The following WWP1 variants were observed in gnomAD, a reference collection of about 807,000 sequenced individuals.
The protein encoded by WWP1 is NEDD4-like E3 ubiquitin-protein ligase WWP1.
WWP1 carries 49 observed loss-of-function variants against 130.6 expected under a neutral mutation model. The observed-to-expected ratio is 0.38, with a 90% confidence interval of 0.30 to 0.48. The LOEUF (loss-of-function observed/expected upper bound fraction) is 0.48, where lower values mean the gene tolerates loss of function less well. WWP1 is among the 20% of genes least tolerant of loss of function. The probability of loss-of-function intolerance (pLI) is 0.99; values close to 1 mark genes in which losing one functional copy is unlikely to be tolerated. For missense variants in WWP1, 809 were observed against 1,100.6 expected (o/e 0.74, Z 3.75); for synonymous variants, 332 against 367.8 (o/e 0.90, Z 1.11).
At chr8:86,429,180 T>C (rs1434544631) in intron 11 of WWP1, among the ~76,000 whole-genome samples, 1 of 152,182 alleles carries the variant, frequency 6.6e-6, no homozygotes, top group East Asian at 1.9e-4. Flanking sequence ...GAAAGAGGAA[T>C]TGAAAGGGCA....
At chr8:86,359,562 C>T (rs1015056706) in intron 1 of WWP1, among the ~76,000 whole-genome samples, 5 of 152,014 alleles carry the variant, frequency 3.3e-5, no homozygotes, top group African/African-American at 1.2e-4. Flanking sequence ...GTAACATTTC[C>T]TTAACTTTCT....
intron 17 of WWP1, among the ~76,000 whole-genome samples, chr8:86,441,617 G>A (rs1359620936): frequency 1.1e-5 from 1 of 91,602 alleles, no homozygotes; most frequent in African/African-American, 5.9e-5. Context: ...TCAGTGGGCT[G>A]AATCAGAGTT....
chr8:86,420,013 A>G (rs970597670), intron 9 of WWP1, among the ~76,000 whole-genome samples: 1 of 152,208 alleles, frequency 6.6e-6, no homozygotes, highest in African/African-American at 2.4e-5. Context: ...GAATAAATAC[A>G]TTCTATGCAT....
At chr8:86,457,425 GTCTGTCTA>G (rs59740741) in intron 21 of WWP1, among the ~76,000 whole-genome samples, 39,778 of 149,988 alleles carry the variant, frequency 0.27, 6,117 homozygotes, top group East Asian at 0.53. Flanking sequence ...CTGTCTGTCT[GTCTGTCTA>G]TCTATCTATC....
At chr8:86,386,551 A>G (rs1825302741) in intron 5 of WWP1, among the ~76,000 whole-genome samples, 1 of 152,132 alleles carries the variant, frequency 6.6e-6, no homozygotes, top group Admixed American at 6.5e-5. Flanking sequence ...ATTTTTGTCT[A>G]AGTGCTATTA....
At position 86,425,278 on chromosome 8, in the gene WWP1, C is replaced by G; in HGVS notation, c.1117C>G (p.Arg373Gly). The G allele has an allele frequency of 6.2e-7, 1 of 1,613,256 alleles. No homozygotes were observed. The highest frequency in any genetic ancestry group is 8.5e-7 in the Non-Finnish European group (1 of 1,179,582). ...GRTYYVDHNT[R>G]TTTWERPQPL... is the part of the protein sequence containing the mutation. ...AACCTATTATGTGGATCATAATACTCGAACTACCACATGGGAGAGACCACA... is the reference window on the plus strand; with the variant it reads ...AACCTATTATGTGGATCATAATACTGGAACTACCACATGGGAGAGACCACA... Residue 373 changes from arginine to glycine, a missense_variant, in exon 10 of 25, where the codon CGA becomes GGA. Transcript: ENST00000517970.
intron 1 of WWP1, among the ~76,000 whole-genome samples, chr8:86,358,893 C>T (rs982226422): frequency 6.6e-6 from 1 of 151,816 alleles, no homozygotes; most frequent in Admixed American, 6.6e-5. Context: ...AACAGTGTAA[C>T]GGGAGAGATA....
rs1166365911 is a variant in WWP1, at chr8:86,431,625, GA to G, written c.1485del (p.Glu496AsnfsTer16). On this transcript the variant is annotated frameshift_variant, in exon 14 of 25. Coordinates refer to ENST00000517970, the MANE Select transcript of WWP1 (RefSeq NM_007013.4). LOFTEE classifies it high-confidence loss of function. ...EDPRTQGLQN[E>X]EPLPEGWEIR... ...AACTTTATCTTTTAGCTTACAGAAT[GA>G]AGAACCCCTGCCAGAAGGCTGGGAA... The G allele has an allele frequency of 6.2e-7, 1 of 1,613,618 alleles. No homozygotes were observed.
At chr8:86,407,992 T>G (rs907862765) in intron 8 of WWP1, among the ~76,000 whole-genome samples, 1 of 152,348 alleles carries the variant, frequency 6.6e-6, no homozygotes, top group South Asian at 2.1e-4. Flanking sequence ...CATATCGTCA[T>G]GTACACACCA....
intron 9 of WWP1, among the ~76,000 whole-genome samples, chr8:86,418,178 C>G (rs534062426): frequency 6.6e-6 from 1 of 152,106 alleles, no homozygotes; most frequent in African/African-American, 2.4e-5. Flanking sequence ...ATTTAATCGA[C>G]AAATATTTAT....
At chr8:86,438,164 G>A (rs934488896) in intron 16 of WWP1, among the ~76,000 whole-genome samples, 1 of 152,098 alleles carries the variant, frequency 6.6e-6, no homozygotes, top group Non-Finnish European at 1.5e-5. Flanking sequence ...AAATCATAAG[G>A]AAGATAAAAT....
intron 3 of WWP1, among the ~76,000 whole-genome samples, chr8:86,377,252 A>ATTTTTTTTT (rs35139758): frequency 7.2e-6 from 1 of 138,884 alleles, no homozygotes; most frequent in Non-Finnish European, 1.6e-5. Flanking sequence ...TTCCTGTCTA[A>ATTTTTTTTT]TTTTTTTTTT....
rs201951609 is a variant in WWP1, at chr8:86,374,071, G to T, written c.21G>T (p.Arg7Ser). 1 of 1,609,498 alleles carries T rather than the reference G, an allele frequency of 6.2e-7. No homozygotes were observed. Among genetic ancestry groups the T allele is most frequent in the East Asian group, 2.2e-5 (1 of 44,472 alleles). Residue 7 changes from arginine (R) to serine (S), a missense_variant, in exon 3 of 25, where the codon AGG becomes AGT. Physicochemically the swap from Arg to Ser is moderately radical, Grantham distance 110. This residue lies in a region of WWP1 where 262 missense variants were observed against 346.0 expected (regional missense o/e 0.76). Coordinates refer to ENST00000517970, the MANE Select transcript of WWP1 (RefSeq NM_007013.4). ...GGGACATGGCCACTGCTTCACCAAGGTCTGATACTAGTAATAACCACAGTG... is the reference window on the plus strand; with the variant it reads ...GGGACATGGCCACTGCTTCACCAAGTTCTGATACTAGTAATAACCACAGTG... MATASP[R>S]SDTSNNHSGR... is the part of the protein sequence containing the mutation.
chr8:86,431,766 C>A, intron 14 of WWP1, 23 bp downstream of exon 14: 1 of 1,612,192 alleles, frequency 6.2e-7, no homozygotes, highest in Non-Finnish European at 8.5e-7. Context: ...CTGAAGTTCT[C>A]CTTTAAATAT....
In WWP1 at chr8:86,376,589, G is replaced by T. The variant is rs974040104; in HGVS notation, c.70+2469G>T. 2.2e-5 allele frequency among the ~76,000 whole-genome samples: 3 copies of T among 135,810 alleles called. No individual in the cohort carries two copies. In the South Asian group the frequency reaches 6.4e-4, roughly 29 times the overall value. The allele number at this position is 135,810 out of a possible 152,430, so 89.1% of individuals were successfully genotyped here. A position where few individuals can be genotyped will look rare whatever the true frequency, so the allele number is the denominator to read the frequency against. On this transcript the variant is annotated intron_variant, in intron 3 of 24. Transcript: ENST00000517970. ...GTCTCAAAAAAAAAAGAAAGAAAAA[G>T]AAAAGAAAAAGAAAAACCTGATCTG...
chr8:86,406,916 C>G (rs992733876), intron 8 of WWP1, among the ~76,000 whole-genome samples: 1 of 152,074 alleles, frequency 6.6e-6, no homozygotes, highest in African/African-American at 2.4e-5. Context: ...CTTTTTTCTT[C>G]TTTATTTGAA....
chr8:86,385,504 A>T lies in WWP1; in HGVS notation c.334+3875A>T, dbSNP rs143452845. ...TCTGGCAAGACATTTTTTTAAAAAA[A>T]GTTTATGGTGTGAATGAATGGCAGA... is the stretch of plus-strand genomic sequence containing the variant. On this transcript the variant is annotated intron_variant, in intron 5 of 24. Coordinates refer to ENST00000517970, the MANE Select transcript of WWP1 (RefSeq NM_007013.4). Among the ~76,000 whole-genome samples, 196 of 152,284 alleles carry T rather than the reference A, an allele frequency of 1.3e-3. 2 individuals are homozygous for T. In the East Asian group the frequency reaches 0.024, roughly 19 times the overall value.
chr8:86,364,606 G>A (rs1823850492), intron 1 of WWP1, among the ~76,000 whole-genome samples: 1 of 152,036 alleles, frequency 6.6e-6, no homozygotes, highest in South Asian at 2.1e-4. Context: ...AGGAGTTCTG[G>A]ACCAGCCTGG....
intron 14 of WWP1, among the ~76,000 whole-genome samples, chr8:86,433,229 CTTTTTTTTT>C (rs11321240): frequency 4.2e-5 from 5 of 119,048 alleles, no homozygotes; most frequent in South Asian, 2.6e-4. Context: ...TCCTAAGCCT[CTTTTTTTTT>C]TTTTTTTTTT....
Sources: gnomAD v4.1 joint callset for allele counts (sites outside exome capture counted in the v4.1 genomes callset) on GRCh38, gnomAD v4.1.1 for gene constraint, gnomAD v4.1.1 regional missense constraint, MANE v1.5 for transcripts, NCBI Gene and HGNC (gene_info 2026-07-23, HGNC 2026-07-21) for gene names.